The following MSR1 variants were observed in gnomAD, a reference collection of about 807,000 sequenced individuals.
The protein encoded by MSR1 is macrophage scavenger receptor 1.
MSR1 carries 53 observed loss-of-function variants against 47.2 expected under a neutral mutation model. The ratio of observed to expected loss-of-function variants is 1.12; its 90% CI spans 0.90 to 1.41. MSR1 has a LOEUF of 1.41. MSR1 is among the 40% of genes most tolerant of loss of function. MSR1 has a pLI of 0.00. For missense variants in MSR1, 786 were observed against 546.9 expected (o/e 1.44, Z -4.36); for synonymous variants, 239 against 185.6 (o/e 1.29, Z -2.34).
rs1253304180 is a variant in MSR1, at chr8:16,108,666, A to C, written c.*1419T>G. The C allele has an allele frequency of 6.6e-6, 1 of 152,144 alleles. No homozygotes were observed. The highest frequency in any genetic ancestry group is 2.4e-5 in the African/African-American group (1 of 41,450). The allele number at this position is 152,144 out of a possible 1,614,324, so 9.4% of individuals were successfully genotyped here. On this transcript the variant is annotated 3_prime_UTR_variant, in exon 10 of 10. Coordinates refer to ENST00000262101, the MANE Select transcript of MSR1 (RefSeq NM_138715.3). ...CAAAATTATGCTGCCAGAGAAAATC[A>C]GCAATGTTAAACAAGTAGAAGAATG...
In MSR1 at chr8:16,119,367, C is replaced by T. The variant is rs765237892; in HGVS notation, c.1222+1051G>A. ...CAGCCTCCAAAGTAGCTGGGATTAC[C>T]GGCGTGCACCACCATGCCTGGCTAA... On this transcript the variant is annotated intron_variant, in intron 9 of 9. Coordinates refer to ENST00000262101, the MANE Select transcript of MSR1 (RefSeq NM_138715.3). Among the ~76,000 whole-genome samples, 8 of 151,690 alleles carry T rather than the reference C, an allele frequency of 5.3e-5. No homozygotes were observed. The East Asian group carries it at 5.9e-4, about 11-fold the overall frequency.
At position 16,108,800 on chromosome 8, in the gene MSR1, A is replaced by AGG. The variant is rs1563134050; in HGVS notation, c.*1284_*1285insCC. The AGG allele has an allele frequency of 1.3e-5, 2 of 152,094 alleles. No individual in the cohort carries two copies. The highest frequency in any genetic ancestry group is 2.9e-5 in the Non-Finnish European group (2 of 68,002). 9.4% of individuals were successfully genotyped at this position (152,094 alleles called of 1,614,324 possible). A position where few individuals can be genotyped will look rare whatever the true frequency, so the allele number is the denominator to read the frequency against. ...GCTGTGAGTCTACCACTTGGTTATT[A>AGG]TGTGTGGTGAGACTTCAGAATATGA... On this transcript the variant is annotated 3_prime_UTR_variant, in exon 10 of 10. Transcript: ENST00000262101.
chr8:16,192,255 A>G (rs1802219207), intron 1 of MSR1, among the ~76,000 whole-genome samples: 1 of 152,178 alleles, frequency 6.6e-6, no homozygotes, highest in Non-Finnish European at 1.5e-5. Flanking sequence ...GTCAAATTAT[A>G]CTTTGAATAA....
At chr8:16,121,454 C>T (rs1010766613) in intron 8 of MSR1, among the ~76,000 whole-genome samples, 1 of 151,830 alleles carries the variant, frequency 6.6e-6, no homozygotes, top group Non-Finnish European at 1.5e-5. Context: ...TATATATGCA[C>T]TTTGACCTAG....
At chr8:16,151,399 T>G (rs1462327892) in intron 6 of MSR1, among the ~76,000 whole-genome samples, 1 of 152,168 alleles carries the variant, frequency 6.6e-6, no homozygotes, top group Non-Finnish European at 1.5e-5. Context: ...CAGGCAGTCA[T>G]AGACCTCTGT....
chr8:16,141,289 C>A (rs887847182), intron 8 of MSR1, among the ~76,000 whole-genome samples: 1 of 151,448 alleles, frequency 6.6e-6, no homozygotes, highest in East Asian at 1.9e-4. Flanking sequence ...CTACTTCTAG[C>A]AAATTCCCTA....
chr8:16,148,306 C>T (rs193157083), intron 7 of MSR1, among the ~76,000 whole-genome samples: 1 of 152,210 alleles, frequency 6.6e-6, no homozygotes, highest in African/African-American at 2.4e-5. Flanking sequence ...AGTGACCCCT[C>T]ATCAAGTTGT....
rs371546592 is a variant in MSR1, at chr8:16,187,306, T to G, written c.-5+5292A>C. 3.1e-5 allele frequency among the ~76,000 whole-genome samples: 4 copies of G among 130,122 alleles called. No homozygotes were observed. The East Asian group carries it at 6.8e-4, about 22-fold the overall frequency. 85.4% of individuals were successfully genotyped at this position (130,122 alleles called of 152,430 possible). On this transcript the variant is annotated intron_variant, in intron 1 of 9. Coordinates refer to ENST00000262101, the MANE Select transcript of MSR1 (RefSeq NM_138715.3). ...TGAACCTGGGAAACAGAGGTAGCAG[T>G]GAGCCAAGATCAGGCCACTGCACTC...
At chr8:16,141,514 G>A (rs1048249500) in intron 8 of MSR1, among the ~76,000 whole-genome samples, 2 of 152,118 alleles carry the variant, frequency 1.3e-5, no homozygotes, top group African/African-American at 2.4e-5. Context: ...ACAGATGACT[G>A]ACATATTAAC....
In MSR1 at chr8:16,145,740, T is replaced by G. The variant is rs1161251626; in HGVS notation, c.980-2129A>C. 2.0e-5 allele frequency among the ~76,000 whole-genome samples: 3 copies of G among 152,142 alleles called. No individual in the cohort carries two copies. In the East Asian group the frequency reaches 5.8e-4, roughly 29 times the overall value. ...AAAAACAAACAAATGTTTTGTATCA[T>G]TTTAACATGATTCAGAGATTTGCTT... On this transcript the variant is annotated intron_variant, in intron 7 of 9. Coordinates refer to ENST00000262101, the MANE Select transcript of MSR1 (RefSeq NM_138715.3).
At chr8:16,153,241 T>C (rs1800909875) in intron 6 of MSR1, among the ~76,000 whole-genome samples, 1 of 152,046 alleles carries the variant, frequency 6.6e-6, no homozygotes, top group South Asian at 2.1e-4. Context: ...GTCCATCATA[T>C]ACTCTTTGCT....
At chr8:16,122,853 T>G (rs2117067232) in intron 8 of MSR1, among the ~76,000 whole-genome samples, 1 of 143,946 alleles carries the variant, frequency 6.9e-6, no homozygotes, top group South Asian at 2.4e-4. Context: ...CTTTTTTTTT[T>G]TTTTTTTTTT....
chr8:16,152,950 T>G (rs767576697), intron 6 of MSR1, among the ~76,000 whole-genome samples: 5 of 152,188 alleles, frequency 3.3e-5, no homozygotes, highest in Admixed American at 1.3e-4. Context: ...TAGCATGCTT[T>G]CAAGGAAATA....
Position 16,110,019 on chromosome 8 carries a change from C to T in MSR1, c.*66G>A, listed in dbSNP as rs890681192. The stretch of plus-strand genomic sequence containing the variant: ...TTAAATATTGATTAAATGGATTTTA[C>T]AGGAACAAGGTAATAAAATCATTTT... On this transcript the variant is annotated 3_prime_UTR_variant, in exon 10 of 10. Coordinates refer to ENST00000262101, the MANE Select transcript of MSR1 (RefSeq NM_138715.3). 3 of 1,581,326 alleles carry T rather than the reference C, an allele frequency of 1.9e-6. No homozygotes were observed. Among genetic ancestry groups the T allele is most frequent in the East Asian group, 4.5e-5 (2 of 44,622 alleles).
intron 6 of MSR1, among the ~76,000 whole-genome samples, chr8:16,152,374 G>A (rs73665222): frequency 0.04 from 6,117 of 152,108 alleles, 439 homozygotes; most frequent in African/African-American, 0.14. Flanking sequence ...GGGAAGGGGC[G>A]GGCCAGGGTA....
chr8:16,178,221 C>G (rs1472527880), intron 1 of MSR1, among the ~76,000 whole-genome samples: 1 of 151,816 alleles, frequency 6.6e-6, no homozygotes. Context: ...TCATCTAACA[C>G]TAGGTATATC....
chr8:16,167,232 C>A (rs1728777485), intron 4 of MSR1, among the ~76,000 whole-genome samples: 1 of 152,140 alleles, frequency 6.6e-6, no homozygotes, highest in South Asian at 2.1e-4. Context: ...TTCAATTCCT[C>A]ATGTTTGGGT....
Position 16,109,850 on chromosome 8 carries a change from A to C in MSR1, c.*235T>G. On this transcript the variant is annotated 3_prime_UTR_variant, in exon 10 of 10. Coordinates refer to ENST00000262101, the MANE Select transcript of MSR1 (RefSeq NM_138715.3). ...AACTTCAAAATGTTCAATTCAGCAT[A>C]TAAGTCATTATATTAGAAAATTCCA... 1.8e-6 allele frequency: 1 copy of C among 547,702 alleles called. No homozygotes were observed. Among genetic ancestry groups the C allele is most frequent in the Non-Finnish European group, 3.2e-6 (1 of 313,076 alleles). The allele number at this position is 547,702 out of a possible 1,614,324, so 33.9% of individuals were successfully genotyped here.
intron 2 of MSR1, among the ~76,000 whole-genome samples, chr8:16,176,860 G>C (rs972620392): frequency 6.6e-6 from 1 of 152,246 alleles, no homozygotes; most frequent in East Asian, 1.9e-4. Flanking sequence ...CAGAGCACAA[G>C]ATCCACTGTG....
Sources: allele counts gnomAD v4.1 joint callset (sites outside exome capture counted in the v4.1 genomes callset), GRCh38; gene constraint gnomAD v4.1.1; transcripts MANE v1.5; gene names NCBI Gene and HGNC (gene_info 2026-07-23, HGNC 2026-07-21).